RHBDD1: variants seen among roughly 807,000 people sequenced by gnomAD.
The protein encoded by RHBDD1 is rhomboid domain containing 1, also known as rhomboid-related protein 4.
In RHBDD1, 38 loss-of-function variants were observed where a neutral mutation model predicts 36.3. The observed-to-expected ratio is 1.05, with a 90% CI of 0.81 to 1.37. The LOEUF (loss-of-function observed/expected upper bound fraction) is 1.37. Ranked by LOEUF, RHBDD1 falls within the 40% of genes most tolerant of loss-of-function variation. The pLI, the probability that RHBDD1 is intolerant of heterozygous loss-of-function variation, is 0.00. For synonymous variants in RHBDD1, 151 were observed against 136.5 expected (o/e 1.11, Z -0.74); for missense variants, 393 against 377.6 (o/e 1.04, Z -0.34).
At position 226,953,018 on chromosome 2, in the gene RHBDD1, A is replaced by T. The variant is rs1160553418; in HGVS notation, c.856+38667A>T. Among the ~76,000 whole-genome samples the T allele has an allele frequency of 2.6e-5, 4 of 152,208 alleles. No homozygotes were observed. The South Asian group carries it at 8.3e-4, about 32-fold the overall frequency. ...CATGATGAAAAAAGAAGCCATTAAG[A>T]CCAACTTTCATCACATTCCAGTTCT... On this transcript the variant is annotated intron_variant, in intron 8 of 8. Coordinates refer to ENST00000392062, the MANE Select transcript of RHBDD1 (RefSeq NM_001167608.3).
At chr2:226,847,938 C>T (rs1253654020) in intron 3 of RHBDD1, among the ~76,000 whole-genome samples, 2 of 152,200 alleles carry the variant, frequency 1.3e-5, no homozygotes, top group Admixed American at 1.3e-4. Flanking sequence ...CTCCCCAATC[C>T]CCTAAAGTCC....
At chr2:226,953,497 G>A (rs565970140) in intron 8 of RHBDD1, among the ~76,000 whole-genome samples, 55 of 152,280 alleles carry the variant, frequency 3.6e-4, no homozygotes, top group Non-Finnish European at 7.3e-4. Flanking sequence ...AGGTTGTTAT[G>A]AGCTCAGAGC....
chr2:226,998,143 G>C lies in RHBDD1; in HGVS notation c.*2621G>C, dbSNP rs1385620732. 2.0e-5 allele frequency: 3 copies of C among 152,196 alleles called. No homozygotes were observed. The highest frequency in any genetic ancestry group is 7.2e-5 in the African/African-American group (3 of 41,440). 9.4% of individuals were successfully genotyped at this position (152,196 alleles called of 1,614,324 possible). ...TCAACTTAAGCGACCTTTTAATGCA[G>C]AATCTTTACTTGGTTCTGAAGAGGA... On this transcript the variant is annotated 3_prime_UTR_variant, in exon 9 of 9. Coordinates refer to ENST00000392062, the MANE Select transcript of RHBDD1 (RefSeq NM_001167608.3).
At chr2:226,984,086 A>C (rs1440705233) in intron 8 of RHBDD1, among the ~76,000 whole-genome samples, 1 of 152,204 alleles carries the variant, frequency 6.6e-6, no homozygotes, top group Non-Finnish European at 1.5e-5. Context: ...ACAGAGTCCC[A>C]AGAAAGATGT....
chr2:226,884,060 A>G (rs1946011175), intron 5 of RHBDD1, among the ~76,000 whole-genome samples: 2 of 152,198 alleles, frequency 1.3e-5, no homozygotes, highest in Non-Finnish European at 2.9e-5. Flanking sequence ...ACATTATACA[A>G]TTAAATATTC....
At chr2:226,841,141 TA>T (rs1490204309) in intron 3 of RHBDD1, among the ~76,000 whole-genome samples, 4 of 152,142 alleles carry the variant, frequency 2.6e-5, no homozygotes, top group Admixed American at 1.3e-4. Context: ...TTCATTTATT[TA>T]TTTTTTTTGA....
intron 8 of RHBDD1, among the ~76,000 whole-genome samples, chr2:226,929,736 G>A (rs10195072): frequency 0.47 from 72,033 of 151,656 alleles, 17,495 homozygotes; most frequent in African/African-American, 0.58. Flanking sequence ...TTGTATGCTT[G>A]GAAAACCCAA....
chr2:226,938,595 A>G (rs568414384), intron 8 of RHBDD1, among the ~76,000 whole-genome samples: 2 of 152,292 alleles, frequency 1.3e-5, no homozygotes, highest in Non-Finnish European at 2.9e-5. Context: ...CCCTGAAGAG[A>G]CCAATAACAA....
At chr2:226,956,211 C>T (rs147797823) in intron 8 of RHBDD1, among the ~76,000 whole-genome samples, 2 of 152,246 alleles carry the variant, frequency 1.3e-5, no homozygotes, top group East Asian at 3.9e-4. Flanking sequence ...GTGGGACTTG[C>T]TCAACTTGCT....
chr2:226,802,123 T>G, the RHBDD1 span, among the ~76,000 whole-genome samples: 1 of 152,092 alleles, frequency 6.6e-6, no homozygotes, highest in South Asian at 2.1e-4. Context: ...TATTTGCACG[T>G]ACCTCACAAT....
At chr2:226,843,254 A>T (rs13396776) in intron 3 of RHBDD1, among the ~76,000 whole-genome samples, 9 of 152,222 alleles carry the variant, frequency 5.9e-5, no homozygotes, top group African/African-American at 2.2e-4. Context: ...ATTTGAATAC[A>T]CTTTATTTCT....
Position 226,913,860 on chromosome 2 carries a change from G to C in RHBDD1, c.713-348G>C, listed in dbSNP as rs182908810. Among the ~76,000 whole-genome samples the C allele has an allele frequency of 2.7e-3, 417 of 152,264 alleles. 9 individuals are homozygous for C. Among genetic ancestry groups the C allele is most frequent in the Admixed American group, 0.023 (358 of 15,298 alleles). On this transcript the variant is annotated intron_variant, in intron 7 of 8. Coordinates refer to ENST00000392062, the MANE Select transcript of RHBDD1 (RefSeq NM_001167608.3). ...TCCACCATTCTCTTGACTCAAGCCA[G>C]GACTTCACTGAAAACTCTCCAAGTA...
intron 5 of RHBDD1, among the ~76,000 whole-genome samples, chr2:226,878,541 T>C (rs971643417): frequency 6.6e-6 from 1 of 152,168 alleles, no homozygotes; most frequent in African/African-American, 2.4e-5. Context: ...CTGGAGCCCA[T>C]GTCAAAAGCA....
At chr2:226,816,064 C>G in the RHBDD1 span, among the ~76,000 whole-genome samples, 2 of 152,128 alleles carry the variant, frequency 1.3e-5, no homozygotes, top group African/African-American at 4.8e-5. Context: ...AAGCTGGATT[C>G]AACAACATTA....
chr2:226,899,876 T>A (rs1947443154), intron 5 of RHBDD1, among the ~76,000 whole-genome samples: 1 of 152,188 alleles, frequency 6.6e-6, no homozygotes. Flanking sequence ...ACAGAAGCAA[T>A]GACACAACAA....
intron 8 of RHBDD1, among the ~76,000 whole-genome samples, chr2:226,973,004 T>C (rs1188498366): frequency 6.6e-6 from 1 of 152,128 alleles, no homozygotes; most frequent in African/African-American, 2.4e-5. Context: ...TGTTTTAATT[T>C]CTTGGTAGGC....
intron 8 of RHBDD1, among the ~76,000 whole-genome samples, chr2:226,986,073 C>A (rs1252755846): frequency 1.3e-5 from 2 of 152,310 alleles, no homozygotes; most frequent in East Asian, 3.9e-4. Context: ...GTATTCTTCA[C>A]CAAAACCCAT....
intron 7 of RHBDD1, among the ~76,000 whole-genome samples, chr2:226,913,116 A>G (rs1286423576): frequency 6.6e-6 from 1 of 152,136 alleles, no homozygotes; most frequent in Non-Finnish European, 1.5e-5. Flanking sequence ...AATTAATGCA[A>G]TTCTGCCATT....
chr2:226,958,702 C>CTGTGTGTG (rs10666758), intron 8 of RHBDD1, among the ~76,000 whole-genome samples: 2,501 of 138,888 alleles, frequency 0.018, 30 homozygotes, highest in African/African-American at 0.025. Context: ...AAGGATTTTT[C>CTGTGTGTG]TGTGTGTGTG....
Sources: gnomAD v4.1 joint callset for allele counts (sites outside exome capture counted in the v4.1 genomes callset) on GRCh38, gnomAD v4.1.1 for gene constraint, MANE v1.5 for transcripts, NCBI Gene and HGNC (gene_info 2026-07-23, HGNC 2026-07-21) for gene names.